Variants in BABAM2 observed in about 807,000 individuals in gnomAD.
BABAM2 encodes the protein BRISC and BRCA1-A complex member 2.
Under a neutral mutation model 54.7 loss-of-function variants are expected in BABAM2, and 31 were observed. That is an observed-to-expected ratio of 0.57 (90% CI 0.43 to 0.77). BABAM2 has a LOEUF of 0.77. BABAM2 is among the 30% of genes least tolerant of loss of function. The pLI is 0.00. For synonymous variants in BABAM2, 167 were observed against 162.9 expected (o/e 1.03, Z -0.19); for missense variants, 364 against 455.8 (o/e 0.80, Z 1.83).
At chr2:28,158,772 G>A (rs577154353) in intron 7 of BABAM2, among the ~76,000 whole-genome samples, 4 of 152,246 alleles carry the variant, frequency 2.6e-5, no homozygotes, top group African/African-American at 4.8e-5. Context: ...TAATTATTGC[G>A]TGATTTACAC....
At chr2:28,327,969 G>A (rs188720411) in intron 11 of BABAM2, among the ~76,000 whole-genome samples, 2 of 152,292 alleles carry the variant, frequency 1.3e-5, no homozygotes, top group East Asian at 3.9e-4. Context: ...CGAGAGCCAG[G>A]CTGCCATCGC....
At chr2:28,089,167 C>T (rs1166961326) in intron 6 of BABAM2, among the ~76,000 whole-genome samples, 1 of 152,182 alleles carries the variant, frequency 6.6e-6, no homozygotes, top group East Asian at 1.9e-4. Context: ...AGCTCTCCTT[C>T]ATTCCTTTGA....
rs1389500207 is a variant in BABAM2 at position 28,237,135 on chromosome 2, T to TG, written c.681-62dup. On this transcript the variant is annotated intron_variant, in intron 7 of 11. Coordinates refer to ENST00000379624, the MANE Select transcript of BABAM2 (RefSeq NM_199191.3). ...TTTGATGAGAGAAGCCAAGTCTGCT[T>TG]GGGGGTGTCACTTCTTAAGTTGCTT... 5.1e-6 allele frequency: 7 copies of TG among 1,375,686 alleles called. No individual in the cohort carries two copies. In the African/African-American group the frequency reaches 1.0e-4, roughly 20 times the overall value. 85.2% of individuals were successfully genotyped at this position (1,375,686 alleles called of 1,614,324 possible).
intron 6 of BABAM2, among the ~76,000 whole-genome samples, chr2:28,109,886 CA>C (rs1187118853): frequency 2.0e-5 from 3 of 152,048 alleles, no homozygotes; most frequent in Admixed American, 1.3e-4. Context: ...ATATATATAA[CA>C]TAAAAACCAT....
intron 7 of BABAM2, among the ~76,000 whole-genome samples, chr2:28,143,869 G>A (rs1445486751): frequency 6.6e-6 from 1 of 152,126 alleles, no homozygotes; most frequent in African/African-American, 2.4e-5. Context: ...AAACTTACCT[G>A]AGTTCTGAAG....
At chr2:28,208,132 A>G (rs1679074244) in intron 7 of BABAM2, among the ~76,000 whole-genome samples, 1 of 152,044 alleles carries the variant, frequency 6.6e-6, no homozygotes, top group African/African-American at 2.4e-5. Context: ...GAGCAGTGTT[A>G]GGAAGATACT....
intron 7 of BABAM2, among the ~76,000 whole-genome samples, chr2:28,164,814 A>C (rs1268123065): frequency 6.6e-6 from 1 of 152,136 alleles, no homozygotes; most frequent in Non-Finnish European, 1.5e-5. Flanking sequence ...AAAGATAATC[A>C]GCTTCCATAA....
chr2:28,131,053 T>G (rs2148771470), intron 7 of BABAM2, among the ~76,000 whole-genome samples: 1 of 11,012 alleles, frequency 9.1e-5, no homozygotes, highest in Non-Finnish European at 2.1e-4. Context: ...AAAGAGTGTT[T>G]TATTATTATT....
intron 8 of BABAM2, among the ~76,000 whole-genome samples, chr2:28,240,360 G>A (rs996832840): frequency 6.6e-6 from 1 of 152,056 alleles, no homozygotes; most frequent in African/African-American, 2.4e-5. Context: ...CTGGCCTGAA[G>A]TAATCCTCCT....
intron 7 of BABAM2, among the ~76,000 whole-genome samples, chr2:28,159,977 TTTTGTTTG>T (rs755553541): frequency 6.6e-6 from 1 of 152,048 alleles, no homozygotes; most frequent in Non-Finnish European, 1.5e-5. Flanking sequence ...ATGATTGGGT[TTTTGTTTG>T]TTTGTTTGTT....
intron 7 of BABAM2, among the ~76,000 whole-genome samples, chr2:28,219,860 G>T (rs1316530335): frequency 6.6e-6 from 1 of 152,186 alleles, no homozygotes; most frequent in Non-Finnish European, 1.5e-5. Context: ...TAATGCTCAA[G>T]TGTCCCTGCT....
intron 3 of BABAM2, among the ~76,000 whole-genome samples, chr2:27,948,270 GA>G (rs1669444037): frequency 1.3e-5 from 2 of 151,204 alleles, no homozygotes; most frequent in African/African-American, 2.4e-5. Context: ...AGATACAGTT[GA>G]TTTTTTTTTT....
At chr2:28,199,407 A>AT in intron 7 of BABAM2, among the ~76,000 whole-genome samples, 1 of 152,344 alleles carries the variant, frequency 6.6e-6, no homozygotes, top group East Asian at 1.9e-4. Flanking sequence ...TTTCTAGCAG[A>AT]TGACAGTCTT....
intron 7 of BABAM2, among the ~76,000 whole-genome samples, chr2:28,148,753 C>G (rs1024460618): frequency 6.6e-6 from 1 of 152,164 alleles, no homozygotes; most frequent in African/African-American, 2.4e-5. Context: ...ACTTCTGGAT[C>G]GTTACCTGGA....
intron 7 of BABAM2, among the ~76,000 whole-genome samples, chr2:28,217,034 G>T (rs1299982002): frequency 2.0e-5 from 3 of 152,074 alleles, no homozygotes; most frequent in Non-Finnish European, 2.9e-5. Context: ...CCACAGAGAG[G>T]CTTTCCCCGA....
At chr2:28,196,683 C>G (rs1434356753) in intron 7 of BABAM2, among the ~76,000 whole-genome samples, 1 of 151,652 alleles carries the variant, frequency 6.6e-6, no homozygotes, top group African/African-American at 2.4e-5. Context: ...TCTCCACACA[C>G]AAAAAATTGT....
chr2:28,077,062 C>T (rs1664754889), intron 6 of BABAM2, among the ~76,000 whole-genome samples: 1 of 152,124 alleles, frequency 6.6e-6, no homozygotes, highest in Non-Finnish European at 1.5e-5. Context: ...TTTTTAGAGG[C>T]TGACAGGCCT....
At chr2:28,061,584 C>CAAAAA (rs397871191) in intron 6 of BABAM2, among the ~76,000 whole-genome samples, 1 of 54,074 alleles carries the variant, frequency 1.8e-5, no homozygotes, top group African/African-American at 6.3e-5. Context: ...GACTCTGTCT[C>CAAAAA]AAAAAAAAAA....
intron 8 of BABAM2, among the ~76,000 whole-genome samples, chr2:28,238,303 T>TA (rs1172599476): frequency 2.6e-5 from 4 of 152,238 alleles, no homozygotes; most frequent in Non-Finnish European, 5.9e-5. Flanking sequence ...CTAGTATATT[T>TA]AGCTGAAAAC....
Sources: allele counts gnomAD v4.1 joint callset (sites outside exome capture counted in the v4.1 genomes callset), GRCh38; gene constraint gnomAD v4.1.1; transcripts MANE v1.5; gene names NCBI Gene and HGNC (gene_info 2026-07-23, HGNC 2026-07-21).